The following ADGRL3 variants were observed in gnomAD, a reference collection of about 807,000 sequenced individuals.
ADGRL3 encodes calcium-independent alpha-latrotoxin receptor 3.
A neutral mutation model predicts 153.5 loss-of-function variants in ADGRL3; 62 were observed. The observed-to-expected ratio is 0.40, with a 90% CI of 0.33 to 0.50. The LOEUF is 0.50. ADGRL3 is among the 20% of genes least tolerant of loss of function. ADGRL3 has a pLI of 0.47. For missense variants in ADGRL3, 1,641 were observed against 1,859.4 expected (o/e 0.88, Z 2.16); for synonymous variants, 710 against 672.5 (o/e 1.06, Z -0.86).
At chr4:61,543,523 A>G (rs2098700394) in intron 4 of ADGRL3, among the ~76,000 whole-genome samples, 2 of 152,188 alleles carry the variant, frequency 1.3e-5, no homozygotes, top group African/African-American at 4.8e-5. Context: ...CTGCAGAACT[A>G]GAAGATAATA....
chr4:61,208,722 C>T (rs911518708), intron 1 of ADGRL3, among the ~76,000 whole-genome samples: 1 of 151,892 alleles, frequency 6.6e-6, no homozygotes, highest in African/African-American at 2.4e-5. Flanking sequence ...ATGTGAATGC[C>T]CAATTAAAAC....
At chr4:61,407,980 CTAAA>C (rs2097025187) in intron 2 of ADGRL3, among the ~76,000 whole-genome samples, 1 of 152,002 alleles carries the variant, frequency 6.6e-6, no homozygotes, top group Admixed American at 6.6e-5. Context: ...AAACAGCTAT[CTAAA>C]TACATATGTT....
At chr4:61,939,454 A>AATT (rs2098863806) in intron 15 of ADGRL3, among the ~76,000 whole-genome samples, 1 of 151,556 alleles carries the variant, frequency 6.6e-6, no homozygotes, top group Non-Finnish European at 1.5e-5. Flanking sequence ...CTGTAGACAA[A>AATT]ATTTGCCAGT....
At chr4:62,060,342 G>A (rs767542420) in intron 25 of ADGRL3, among the ~76,000 whole-genome samples, 32 of 152,024 alleles carry the variant, frequency 2.1e-4, no homozygotes, top group Middle Eastern at 3.4e-3. Context: ...GTTCAAATTA[G>A]ATAATGTATA....
At chr4:61,386,824 A>G (rs960642944) in intron 2 of ADGRL3, among the ~76,000 whole-genome samples, 1 of 152,188 alleles carries the variant, frequency 6.6e-6, no homozygotes, top group Non-Finnish European at 1.5e-5. Context: ...GACAAAATGT[A>G]TGTATTTCCA....
At chr4:61,935,420 G>C (rs1308601742) in intron 14 of ADGRL3, among the ~76,000 whole-genome samples, 1 of 152,052 alleles carries the variant, frequency 6.6e-6, no homozygotes, top group East Asian at 1.9e-4. Context: ...AGTCATTTGA[G>C]TGAAAATGAT....
intron 8 of ADGRL3, among the ~76,000 whole-genome samples, chr4:61,760,978 C>T (rs188668295): frequency 6.6e-6 from 1 of 152,254 alleles, no homozygotes; most frequent in African/African-American, 2.4e-5. Flanking sequence ...ACCAGGAGTG[C>T]TAATTGGTTA....
chr4:61,831,411 TAAAAAAAAAAA>T (rs1166970099), intron 9 of ADGRL3, among the ~76,000 whole-genome samples: 3 of 37,274 alleles, frequency 8.0e-5, no homozygotes, highest in Non-Finnish European at 1.4e-4. Context: ...AGATGCTAAG[TAAAAAAAAAAA>T]AAAAAAAAAA....
At chr4:61,766,985 T>G (rs1177734132) in intron 8 of ADGRL3, among the ~76,000 whole-genome samples, 1 of 152,058 alleles carries the variant, frequency 6.6e-6, no homozygotes, top group East Asian at 1.9e-4. Context: ...AAGGCCATGC[T>G]GTAGCAGGCG....
intron 21 of ADGRL3, among the ~76,000 whole-genome samples, chr4:62,008,323 GAA>G (rs1390534226): frequency 6.6e-6 from 1 of 152,092 alleles, no homozygotes; most frequent in East Asian, 1.9e-4. Flanking sequence ...AGTTGATATT[GAA>G]AAGAGAGTAG....
chr4:61,685,398 G>A (rs1358474968), intron 6 of ADGRL3, among the ~76,000 whole-genome samples: 1 of 151,934 alleles, frequency 6.6e-6, no homozygotes, highest in Non-Finnish European at 1.5e-5. Flanking sequence ...AAATATCAAA[G>A]TTAATGTTAA....
intron 1 of ADGRL3, among the ~76,000 whole-genome samples, chr4:61,365,188 G>T (rs560489324): frequency 6.6e-5 from 10 of 151,010 alleles, no homozygotes; most frequent in African/African-American, 2.0e-4. Context: ...TAAATAGGAA[G>T]ATTTTAAAAA....
chr4:61,645,800 T>C (rs1580058670), intron 5 of ADGRL3, among the ~76,000 whole-genome samples: 1 of 152,070 alleles, frequency 6.6e-6, no homozygotes, highest in East Asian at 1.9e-4. Context: ...CTTTGTGGCG[T>C]TCTCTGTATT....
intron 5 of ADGRL3, among the ~76,000 whole-genome samples, chr4:61,669,122 T>A (rs146629701): frequency 0.01 from 1,583 of 152,336 alleles, 31 homozygotes; most frequent in African/African-American, 0.035. Flanking sequence ...AACTTTTTAA[T>A]AAATGCTGAA....
intron 1 of ADGRL3, among the ~76,000 whole-genome samples, chr4:61,327,708 T>C (rs757830102): frequency 1.3e-5 from 2 of 151,754 alleles, no homozygotes; most frequent in Non-Finnish European, 2.9e-5. Flanking sequence ...AATAAAGAGA[T>C]TGACAAAGAG....
At chr4:61,791,878 C>A (rs895534605) in intron 8 of ADGRL3, among the ~76,000 whole-genome samples, 2 of 152,164 alleles carry the variant, frequency 1.3e-5, no homozygotes, top group African/African-American at 4.8e-5. Flanking sequence ...CCCCTTTCAG[C>A]TACAGCTAGA....
At position 61,947,552 on chromosome 4, in the gene ADGRL3, T is replaced by C. The variant is rs114964229; in HGVS notation, c.2628+430T>C. On this transcript the variant is annotated intron_variant, in intron 16 of 26. Coordinates refer to ENST00000683033, the MANE Select transcript of ADGRL3 (RefSeq NM_001387552.1). ...GATATATTAACTCACTTCACTTTGG[T>C]AACCTTTCTACTGTCTACATGTATT... 9.9e-3 allele frequency among the ~76,000 whole-genome samples: 1,509 copies of C among 152,324 alleles called. 22 individuals are homozygous for C. Among genetic ancestry groups the C allele is most frequent in the African/African-American group, 0.034 (1,409 of 41,586 alleles).
At chr4:61,619,982 G>A (rs1425741577) in intron 5 of ADGRL3, among the ~76,000 whole-genome samples, 3 of 151,856 alleles carry the variant, frequency 2.0e-5, no homozygotes, top group Admixed American at 6.6e-5. Flanking sequence ...AAAAAGAGTA[G>A]AATTAGTGAG....
At chr4:61,456,471 C>CTATAGA (rs2097755376) in intron 2 of ADGRL3, among the ~76,000 whole-genome samples, 1 of 110,552 alleles carries the variant, frequency 9.0e-6, no homozygotes, top group African/African-American at 3.5e-5. Flanking sequence ...ATAGATATAT[C>CTATAGA]TATATCTATA....
Sources: gnomAD v4.1 joint callset for allele counts (sites outside exome capture counted in the v4.1 genomes callset) on GRCh38, gnomAD v4.1.1 for gene constraint, MANE v1.5 for transcripts, NCBI Gene and HGNC (gene_info 2026-07-23, HGNC 2026-07-21) for gene names.